MAP7: variants seen among roughly 807,000 people sequenced by gnomAD.
MAP7 encodes the protein microtubule associated protein 7.
In MAP7, 52 loss-of-function variants were observed where a neutral mutation model predicts 94.8. The observed-to-expected ratio is 0.55, with a 90% CI of 0.44 to 0.69. The LOEUF is 0.69. Among genes scored for constraint, MAP7 ranks in the 30% least tolerant of loss-of-function variants. The pLI is 0.00. For missense variants in MAP7, 940 were observed against 964.6 expected (o/e 0.97, Z 0.34); for synonymous variants, 350 against 357.0 (o/e 0.98, Z 0.22).
At chr6:136,384,494 CTT>C (rs760985416) in intron 5 of MAP7, among the ~76,000 whole-genome samples, 10 of 140,508 alleles carry the variant, frequency 7.1e-5, no homozygotes, top group Admixed American at 7.1e-5. Context: ...TTTAAAATTT[CTT>C]TTTTTTTTTT....
In MAP7 at chr6:136,356,686, A is replaced by C; in HGVS notation, c.2015+6T>G. ...TTTACTTTAATGAATGTCAGTGAAAACTCACCTCTCCACTGTCACTTTTGA... is the reference window on the plus strand; with the variant it reads ...TTTACTTTAATGAATGTCAGTGAAACCTCACCTCTCCACTGTCACTTTTGA... On this transcript the variant is annotated splice_donor_region_variant and intron_variant, in intron 16 of 17. Coordinates refer to ENST00000354570, the MANE Select transcript of MAP7 (RefSeq NM_003980.6). The C allele has an allele frequency of 6.2e-7, 1 of 1,611,292 alleles. No individual in the cohort carries two copies. The highest frequency in any genetic ancestry group is 1.1e-5 in the South Asian group (1 of 90,904).
At chr6:136,426,862 C>G (rs968169799) in intron 1 of MAP7, among the ~76,000 whole-genome samples, 3 of 152,216 alleles carry the variant, frequency 2.0e-5, no homozygotes, top group Non-Finnish European at 2.9e-5. Flanking sequence ...CAGCTGTGAA[C>G]TACTTTAGCT....
At chr6:136,459,338 A>G (rs1036315448) in intron 1 of MAP7, among the ~76,000 whole-genome samples, 2 of 152,114 alleles carry the variant, frequency 1.3e-5, no homozygotes, top group Admixed American at 6.6e-5. Context: ...CCACTATGGG[A>G]AACAGTATAA....
chr6:136,522,995 A>G lies in MAP7; in HGVS notation c.67+27347T>C, dbSNP rs79681967. Among the ~76,000 whole-genome samples the G allele has an allele frequency of 7.3e-3, 1,112 of 152,324 alleles. 7 individuals are homozygous for G. Among genetic ancestry groups the G allele is most frequent in the Non-Finnish European group, 0.012 (792 of 68,024 alleles). On this transcript the variant is annotated intron_variant, in intron 1 of 17. Coordinates refer to ENST00000354570, the MANE Select transcript of MAP7 (RefSeq NM_003980.6). ...GGCTGCAGTGAGCTATGATCATGCC[A>G]TTGGACTCCAGCTTGAGTAACAGGG...
intron 1 of MAP7, among the ~76,000 whole-genome samples, chr6:136,476,653 A>T (rs1467307232): frequency 6.6e-6 from 1 of 152,244 alleles, no homozygotes; most frequent in Non-Finnish European, 1.5e-5. Flanking sequence ...CATACAATTC[A>T]TAATCTATCA....
chr6:136,459,561 A>T (rs1173562078), intron 1 of MAP7, among the ~76,000 whole-genome samples: 3 of 152,132 alleles, frequency 2.0e-5, no homozygotes, highest in Non-Finnish European at 4.4e-5. Context: ...ACAAGAGAAT[A>T]TTATTCAGCC....
chr6:136,375,550 A>T (rs1158726768), intron 7 of MAP7, among the ~76,000 whole-genome samples: 1 of 152,044 alleles, frequency 6.6e-6, no homozygotes, highest in African/African-American at 2.4e-5. Flanking sequence ...AAGAATAATC[A>T]AGGACAATAG....
At position 136,532,139 on chromosome 6, in the gene MAP7, A is replaced by C. The variant is rs3799466; in HGVS notation, c.67+18203T>G. Among the ~76,000 whole-genome samples the C allele has an allele frequency of 1.1e-4, 17 of 152,328 alleles. No homozygotes were observed. In the East Asian group the frequency reaches 3.3e-3, roughly 29 times the overall value. On this transcript the variant is annotated intron_variant, in intron 1 of 17. Transcript: ENST00000354570. Reference sequence around the variant, plus strand: ...CCCAAGCTGCCCCAGAAACAAAGCGAGCACTTGGACAACAAGCTCACTAAA... The same window carrying C: ...CCCAAGCTGCCCCAGAAACAAAGCGCGCACTTGGACAACAAGCTCACTAAA...
chr6:136,453,413 G>A (rs573158881), intron 1 of MAP7, among the ~76,000 whole-genome samples: 1 of 152,148 alleles, frequency 6.6e-6, no homozygotes, highest in Non-Finnish European at 1.5e-5. Context: ...CACTGCTTAA[G>A]ATTCTGTCCC....
chr6:136,501,229 C>T (rs1033748083), intron 1 of MAP7, among the ~76,000 whole-genome samples: 13 of 152,174 alleles, frequency 8.5e-5, no homozygotes, highest in Non-Finnish European at 7.3e-5. Context: ...AGAACAGTGA[C>T]CAGTCACTAT....
intron 1 of MAP7, among the ~76,000 whole-genome samples, chr6:136,452,944 A>C (rs1801644621): frequency 6.6e-6 from 1 of 152,210 alleles, no homozygotes. Context: ...TTTTATATGC[A>C]CTGGGAAACC....
intron 1 of MAP7, among the ~76,000 whole-genome samples, chr6:136,482,846 G>A (rs1046002257): frequency 6.6e-6 from 1 of 152,192 alleles, no homozygotes; most frequent in Middle Eastern, 3.4e-3. Context: ...CCGCTAAACT[G>A]TGTTGAGTTT....
chr6:136,381,833 GATGTCCT>G lies in MAP7; in HGVS notation c.637+1831_637+1837del, dbSNP rs1252541471. Among the ~76,000 whole-genome samples the G allele has an allele frequency of 7.5e-5, 11 of 146,332 alleles. No homozygotes were observed. The South Asian group carries it at 2.2e-3, about 29-fold the overall frequency. The stretch of plus-strand genomic sequence containing the variant: ...TGGTTATTGAACTTCCCTTAACGCT[GATGTCCT>G]ATGTCCTAATTCTCTACTCCTTACC... On this transcript the variant is annotated intron_variant, in intron 6 of 17. Transcript: ENST00000354570.
At chr6:136,400,883 C>T (rs962332930) in intron 3 of MAP7, among the ~76,000 whole-genome samples, 1 of 152,228 alleles carries the variant, frequency 6.6e-6, no homozygotes. Context: ...TCTGCACATT[C>T]TTCCCTGCTC....
chr6:136,512,909 G>A (rs1241346207), intron 1 of MAP7, among the ~76,000 whole-genome samples: 2 of 151,176 alleles, frequency 1.3e-5, no homozygotes, highest in African/African-American at 2.4e-5. Flanking sequence ...ACAGGTCACT[G>A]CAGTCTTGAC....
intron 1 of MAP7, chr6:136,476,095 G>A (rs1017927441): frequency 6.6e-6 from 1 of 152,266 alleles, no homozygotes; most frequent in South Asian, 2.1e-4. Flanking sequence ...AGCATGGATT[G>A]TCATCCAATG....
intron 6 of MAP7, among the ~76,000 whole-genome samples, chr6:136,381,993 A>G (rs1777928423): frequency 6.6e-6 from 1 of 151,666 alleles, no homozygotes; most frequent in Admixed American, 6.6e-5. Flanking sequence ...AGAACTGAGG[A>G]TGCAGTGTGG....
At chr6:136,507,780 A>C (rs552005319) in intron 1 of MAP7, among the ~76,000 whole-genome samples, 1 of 152,286 alleles carries the variant, frequency 6.6e-6, no homozygotes, top group African/African-American at 2.4e-5. Context: ...GCCCTGATTT[A>C]TGGATAAAGC....
At chr6:136,522,210 G>A (rs1361699923) in intron 1 of MAP7, among the ~76,000 whole-genome samples, 1 of 152,126 alleles carries the variant, frequency 6.6e-6, no homozygotes, top group Non-Finnish European at 1.5e-5. Context: ...TTACAAGGAG[G>A]CTTGAGGTTC....
Sources: allele counts gnomAD v4.1 joint callset (sites outside exome capture counted in the v4.1 genomes callset), GRCh38; gene constraint gnomAD v4.1.1; transcripts MANE v1.5; gene names NCBI Gene and HGNC (gene_info 2026-07-23, HGNC 2026-07-21).